Variants in COL4A5 observed in about 807,000 individuals in gnomAD.
The protein encoded by COL4A5 is collagen type IV alpha 5 chain.
COL4A5 carries 26 observed loss-of-function variants against 130.2 expected under a neutral mutation model. The ratio of observed to expected loss-of-function variants is 0.20; its 90% CI spans 0.15 to 0.28. The LOEUF (loss-of-function observed/expected upper bound fraction) is 0.28. Among genes scored for constraint, COL4A5 ranks in the 10% least tolerant of loss-of-function variants. The pLI is 1.00. For missense variants in COL4A5, 1,131 were observed against 1,344.3 expected (o/e 0.84, Z 2.48); for synonymous variants, 496 against 439.6 (o/e 1.13, Z -1.60).
At position 108,673,171 on chromosome X, in the gene COL4A5, TTTTACAACTTGAA is replaced by T. The variant is rs1203256560; in HGVS notation, c.3800-1570_3800-1558del. Among the ~76,000 whole-genome samples the T allele has an allele frequency of 1.6e-4, 18 of 112,002 alleles. No homozygotes were observed. In the Admixed American group the frequency reaches 1.6e-3, roughly 10 times the overall value. ...GCACATGGCAGACATTAGGCCAGTA[TTTTACAACTTGAA>T]TTTGATCTTTAAAACATTCCTGTGA... On this transcript the variant is annotated intron_variant, in intron 42 of 52. Coordinates refer to ENST00000328300, the MANE Select transcript of COL4A5 (RefSeq NM_033380.3).
intron 1 of COL4A5, among the ~76,000 whole-genome samples, chrX:108,516,526 T>C (rs1295242972): frequency 2.7e-5 from 3 of 111,871 alleles, no homozygotes; most frequent in Non-Finnish European, 5.7e-5. Context: ...AAACACAGGA[T>C]ACGTCTGTAC....
chrX:108,466,122 C>T (rs2064703525), intron 1 of COL4A5, among the ~76,000 whole-genome samples: 1 of 110,780 alleles, frequency 9.0e-6, no homozygotes, highest in Non-Finnish European at 1.9e-5. Flanking sequence ...ATGGATATAC[C>T]ACATTTTGCT....
intron 36 of COL4A5, among the ~76,000 whole-genome samples, chrX:108,643,999 C>T (rs1210433916): frequency 9.0e-6 from 1 of 111,640 alleles, no homozygotes; most frequent in East Asian, 2.8e-4. Flanking sequence ...AGGAGACTCA[C>T]CTAACACATA....
intron 49 of COL4A5, among the ~76,000 whole-genome samples, chrX:108,691,336 T>C (rs1004095584): frequency 1.8e-5 from 2 of 111,372 alleles, no homozygotes; most frequent in Admixed American, 9.6e-5. Context: ...CACTATGGAT[T>C]ATATACATAA....
intron 1 of COL4A5, among the ~76,000 whole-genome samples, chrX:108,496,648 T>C (rs1224182651): frequency 9.0e-6 from 1 of 111,390 alleles, no homozygotes; most frequent in Non-Finnish European, 1.9e-5. Context: ...CAAAATATAG[T>C]TGTGTGTTTG....
At chrX:108,536,500 AG>A (rs1348123785) in intron 1 of COL4A5, among the ~76,000 whole-genome samples, 1 of 111,433 alleles carries the variant, frequency 9.0e-6, no homozygotes, top group Non-Finnish European at 1.9e-5. Context: ...TCGAAAAATT[AG>A]TTTTTTTCAT....
chrX:108,656,646 A>G (rs892999799), intron 37 of COL4A5, among the ~76,000 whole-genome samples: 2 of 111,473 alleles, frequency 1.8e-5, no homozygotes, highest in African/African-American at 3.3e-5. Context: ...CAGTTCTCCA[A>G]TTGCCCATGT....
At position 108,499,931 on chromosome X, in the gene COL4A5, C is replaced by CCA. The variant is rs2065065244; in HGVS notation, c.82-39808_82-39807dup. Reference sequence around the variant, plus strand: ...TGTATAAAAATGTACATATGCATGCCCACACACATAGACCCACTAAGAGAG... The same window carrying CCA: ...TGTATAAAAATGTACATATGCATGCCCACACACACATAGACCCACTAAGAGAG... On this transcript the variant is annotated intron_variant, in intron 1 of 52. Transcript: ENST00000328300. Among the ~76,000 whole-genome samples the CCA allele has an allele frequency of 4.5e-5, 5 of 110,822 alleles. No homozygotes were observed. The Admixed American group carries it at 4.8e-4, about 11-fold the overall frequency.
chrX:108,445,082 T>C (rs772880580), intron 1 of COL4A5, among the ~76,000 whole-genome samples: 5 of 111,741 alleles, frequency 4.5e-5, no homozygotes, highest in African/African-American at 3.2e-5. Context: ...TTTGACACCA[T>C]AGTAAATGTT....
chrX:108,546,935 C>G (rs1229592248), intron 2 of COL4A5, among the ~76,000 whole-genome samples: 1 of 112,241 alleles, frequency 8.9e-6, no homozygotes, highest in Non-Finnish European at 1.9e-5. Flanking sequence ...TCACGTAGTT[C>G]TCGTGCCATG....
rs1464288418 is a variant in COL4A5 at position 108,440,080 on chromosome X, G to C, written c.-46G>C. ...TTATGTCAATTGGTTAGAGCCAGCCGGGAATTTCGTGCGGGTGCTGAAGGA... is the reference window on the plus strand; with the variant it reads ...TTATGTCAATTGGTTAGAGCCAGCCCGGAATTTCGTGCGGGTGCTGAAGGA... On this transcript the variant is annotated 5_prime_UTR_variant, in exon 1 of 53. Coordinates refer to ENST00000328300, the MANE Select transcript of COL4A5 (RefSeq NM_033380.3). 9.6e-7 allele frequency: 1 copy of C among 1,046,927 alleles called. No homozygotes were observed. Among genetic ancestry groups the C allele is most frequent in the Admixed American group, 2.2e-5 (1 of 44,825 alleles). The allele number at this position is 1,046,927 out of a possible 1,213,427, so 86.3% of individuals were successfully genotyped here. A position where few individuals can be genotyped will look rare whatever the true frequency, so the allele number is the denominator to read the frequency against.
intron 1 of COL4A5, among the ~76,000 whole-genome samples, chrX:108,508,557 CAAAAAAAAAAAAAA>C: frequency 2.6e-5 from 1 of 38,181 alleles, no homozygotes; most frequent in East Asian, 7.8e-4. Flanking sequence ...CATGTAGGAC[CAAAAAAAAAAAAAA>C]AAAAAAAAAA....
At chrX:108,480,105 C>T (rs182807715) in intron 1 of COL4A5, among the ~76,000 whole-genome samples, 11 of 111,672 alleles carry the variant, frequency 9.9e-5, no homozygotes, top group African/African-American at 3.3e-4. Flanking sequence ...TCTCGTGTTC[C>T]GGACCCCACT....
At chrX:108,625,866 G>GA in intron 35 of COL4A5, 72 bp downstream of exon 35, 1 of 774,944 alleles carries the variant, frequency 1.3e-6, no homozygotes, top group Non-Finnish European at 2.0e-6. Context: ...TTTTTTGTCA[G>GA]AAAAGAGGCT....
chrX:108,549,489 T>G lies in COL4A5; in HGVS notation c.142-9575T>G, dbSNP rs778511002. On this transcript the variant is annotated intron_variant, in intron 2 of 52. Coordinates refer to ENST00000328300, the MANE Select transcript of COL4A5 (RefSeq NM_033380.3). ...ATTTGGAATTTAGAAAGCACTGTTC[T>G]AAATAACTGCTGGACCAAGGAATAA... Among the ~76,000 whole-genome samples, 4 of 112,128 alleles carry G rather than the reference T, an allele frequency of 3.6e-5. No homozygotes were observed. In the South Asian group the frequency reaches 1.5e-3, roughly 41 times the overall value.
intron 1 of COL4A5, among the ~76,000 whole-genome samples, chrX:108,515,832 TCA>T (rs892836813): frequency 1.8e-5 from 2 of 111,800 alleles, no homozygotes; most frequent in African/African-American, 6.5e-5. Context: ...TTTTATGTAA[TCA>T]GTGTTTGATA....
chrX:108,546,303 G>A (rs1411912260), intron 2 of COL4A5, among the ~76,000 whole-genome samples: 5 of 111,756 alleles, frequency 4.5e-5, no homozygotes, highest in African/African-American at 1.3e-4. Flanking sequence ...AGGCAGGCCT[G>A]GTGGTGACAA....
At chrX:108,580,849 A>G (rs942498530) in intron 15 of COL4A5, 111 bp downstream of exon 15, 1 of 956,073 alleles carries the variant, frequency 1.0e-6, no homozygotes, top group East Asian at 3.1e-5. Flanking sequence ...CACTACTGAC[A>G]TTATAATGTT....
chrX:108,487,460 T>C (rs767661683), intron 1 of COL4A5, among the ~76,000 whole-genome samples: 2 of 110,265 alleles, frequency 1.8e-5, no homozygotes, highest in Admixed American at 9.6e-5. Context: ...ACATCTATTA[T>C]TTTTTTATTT....
Sources: gnomAD v4.1 joint callset for allele counts (sites outside exome capture counted in the v4.1 genomes callset) on GRCh38, gnomAD v4.1.1 for gene constraint, MANE v1.5 for transcripts, NCBI Gene and HGNC (gene_info 2026-07-23, HGNC 2026-07-21) for gene names.